Variants in USP10 observed in about 807,000 individuals in gnomAD.
USP10 encodes the protein ubiquitin specific peptidase 10, also known as ubiquitin carboxyl-terminal hydrolase 10.
Under a neutral mutation model 84.5 loss-of-function variants are expected in USP10, and 22 were observed. The ratio of observed to expected loss-of-function variants is 0.26; its 90% CI spans 0.19 to 0.37. The LOEUF (loss-of-function observed/expected upper bound fraction) is 0.37, where lower values mean the gene tolerates loss of function less well. Among genes scored for constraint, USP10 ranks in the 10% least tolerant of loss-of-function variants. USP10 has a pLI of 1.00. For synonymous variants in USP10, 454 were observed against 387.6 expected, an observed-to-expected ratio of 1.17 and a Z score of -2.01; for missense variants, 1,019 against 998.9, an observed-to-expected ratio of 1.02 and a Z score of -0.27.
chr16:84,755,843 A>G (rs1176587150), intron 4 of USP10, among the ~76,000 whole-genome samples: 1 of 151,942 alleles, frequency 6.6e-6, no homozygotes, highest in Non-Finnish European at 1.5e-5. Flanking sequence ...TAATATACAT[A>G]TACGATTTAC....
intron 4 of USP10, among the ~76,000 whole-genome samples, chr16:84,748,970 T>A (rs1487518180): frequency 2.0e-5 from 3 of 152,240 alleles, no homozygotes; most frequent in Non-Finnish European, 4.4e-5. Flanking sequence ...TGAAGATGTT[T>A]TAATTTTCTG....
intron 4 of USP10, among the ~76,000 whole-genome samples, chr16:84,754,710 A>C (rs528556930): frequency 2.0e-5 from 3 of 152,246 alleles, no homozygotes; most frequent in African/African-American, 7.2e-5. Flanking sequence ...CTGTCTGACT[A>C]GTTCATGCTG....
At chr16:84,758,334 C>G (rs1048294596) in intron 4 of USP10, among the ~76,000 whole-genome samples, 1 of 152,124 alleles carries the variant, frequency 6.6e-6, no homozygotes, top group Non-Finnish European at 1.5e-5. Context: ...TCTGAGGCGC[C>G]TTGCTGCTGA....
At chr16:84,735,646 A>G (rs1379916765) in intron 2 of USP10, among the ~76,000 whole-genome samples, 1 of 152,190 alleles carries the variant, frequency 6.6e-6, no homozygotes, top group Non-Finnish European at 1.5e-5. Flanking sequence ...AATGGATGAA[A>G]AGGGTACAGA....
In USP10 at chr16:84,753,530, G is replaced by A. The variant is rs541359939; in HGVS notation, c.1193-5186G>A. On this transcript the variant is annotated intron_variant, in intron 4 of 13. Transcript: ENST00000219473. ...GTGCTCATCTTTGCTATAGCTGAGC[G>A]TGGTGCAGCTCCTTACCTGTTCCAG... 9.2e-5 allele frequency among the ~76,000 whole-genome samples: 14 copies of A among 152,324 alleles called. No homozygotes were observed. In the South Asian group the frequency reaches 2.3e-3, roughly 25 times the overall value.
chr16:84,744,538 C>G (rs564981018), intron 3 of USP10, 95 bp from the exon 4 acceptor site: 3 of 1,203,848 alleles, frequency 2.5e-6, no homozygotes, highest in Admixed American at 2.9e-5. Context: ...AGGAAGAGAA[C>G]TTAAGGTTTT....
At chr16:84,751,664 G>C (rs955806266) in intron 4 of USP10, among the ~76,000 whole-genome samples, 1 of 152,194 alleles carries the variant, frequency 6.6e-6, no homozygotes, top group Non-Finnish European at 1.5e-5. Flanking sequence ...AACCAAGATA[G>C]TGTGTGTTCT....
At chr16:84,747,827 A>G (rs1911421638) in intron 4 of USP10, among the ~76,000 whole-genome samples, 1 of 151,860 alleles carries the variant, frequency 6.6e-6, no homozygotes, top group South Asian at 2.1e-4. Flanking sequence ...TCAGCCTCCC[A>G]AAGTGTTGGG....
At chr16:84,709,247 C>G (rs577305776) in intron 1 of USP10, 1 of 152,334 alleles carries the variant, frequency 6.6e-6, no homozygotes, top group East Asian at 1.9e-4. Flanking sequence ...GAAGGGAACA[C>G]AATCTGAAGT....
chr16:84,703,893 G>T (rs1272173845), intron 1 of USP10, among the ~76,000 whole-genome samples: 1 of 152,170 alleles, frequency 6.6e-6, no homozygotes, highest in Non-Finnish European at 1.5e-5. Context: ...ATACTAAGCG[G>T]GCCTACCACA....
At chr16:84,775,268 A>G (rs760131835) in intron 13 of USP10, 43 bp downstream of exon 13, 9 of 1,590,616 alleles carry the variant, frequency 5.7e-6, no homozygotes, top group Non-Finnish European at 7.8e-6. Context: ...TAAAACACTG[A>G]TGAAGGGGTT....
At position 84,762,580 on chromosome 16, in the gene USP10, A is replaced by G. The variant is rs141461728; in HGVS notation, c.1555-409A>G. On this transcript the variant is annotated intron_variant, in intron 8 of 13. Coordinates refer to ENST00000219473, the MANE Select transcript of USP10 (RefSeq NM_005153.3). ...GTGGCACACACCTGGAGTCCCAGCT[A>G]CTCGGGAGGCTGAGGCAGGAGAATC... Among the ~76,000 whole-genome samples the G allele has an allele frequency of 8.7e-3, 1,329 of 151,896 alleles. 30 individuals are homozygous for G. Among genetic ancestry groups the G allele is most frequent in the African/African-American group, 0.031 (1,282 of 41,400 alleles).
intron 8 of USP10, among the ~76,000 whole-genome samples, chr16:84,762,048 T>C (rs1219555678): frequency 6.6e-6 from 1 of 152,252 alleles, no homozygotes; most frequent in Non-Finnish European, 1.5e-5. Flanking sequence ...GAATAGGCAG[T>C]TGTGCTGTGA....
chr16:84,755,681 C>G (rs974621460), intron 4 of USP10, among the ~76,000 whole-genome samples: 1 of 151,744 alleles, frequency 6.6e-6, no homozygotes, highest in South Asian at 2.1e-4. Context: ...ATCTGTAGTC[C>G]CAGCTACTCG....
At chr16:84,774,533 C>G (rs991361801) in intron 12 of USP10, among the ~76,000 whole-genome samples, 4 of 149,380 alleles carry the variant, frequency 2.7e-5, no homozygotes, top group African/African-American at 5.0e-5. Context: ...TGCAGTGGCG[C>G]GATCTCGGCT....
chr16:84,736,761 G>A (rs1234420732), intron 2 of USP10, among the ~76,000 whole-genome samples: 1 of 152,158 alleles, frequency 6.6e-6, no homozygotes, highest in Non-Finnish European at 1.5e-5. Context: ...TACTCATGGA[G>A]AGTAGAGAGT....
chr16:84,732,427 A>G, intron 1 of USP10: 1 of 401,700 alleles, frequency 2.5e-6, no homozygotes, highest in South Asian at 1.8e-5. Flanking sequence ...AATTCTTCTC[A>G]ATGACTTCTT....
chr16:84,718,285 A>G (rs1907318650), intron 1 of USP10, among the ~76,000 whole-genome samples: 1 of 152,124 alleles, frequency 6.6e-6, no homozygotes, highest in Admixed American at 6.5e-5. Context: ...ACAGGATTGT[A>G]CTCTGTGACC....
intron 4 of USP10, among the ~76,000 whole-genome samples, chr16:84,753,639 C>T (rs1226092534): frequency 6.6e-5 from 10 of 152,228 alleles, no homozygotes; most frequent in Admixed American, 3.3e-4. Flanking sequence ...TGCCTGGGCC[C>T]TTGCCCTTTA....
Sources: gnomAD v4.1 joint callset for allele counts (sites outside exome capture counted in the v4.1 genomes callset) on GRCh38, gnomAD v4.1.1 for gene constraint, MANE v1.5 for transcripts, NCBI Gene and HGNC (gene_info 2026-07-23, HGNC 2026-07-21) for gene names.